ADAM22: variants seen among roughly 807,000 people sequenced by gnomAD.
ADAM22 encodes ADAM metallopeptidase domain 22.
Under a neutral mutation model 144.6 loss-of-function variants are expected in ADAM22, and 65 were observed. That is an observed-to-expected ratio of 0.45 (90% CI 0.37 to 0.55). ADAM22 has a LOEUF of 0.55. ADAM22 is among the 20% of genes least tolerant of loss of function. The pLI is 0.00. For missense variants in ADAM22, 974 were observed against 1,184.9 expected, an observed-to-expected ratio of 0.82 and a Z score of 2.61; for synonymous variants, 391 against 412.6, an observed-to-expected ratio of 0.95 and a Z score of 0.63.
At chr7:87,947,246 T>C (rs142930125) in intron 2 of ADAM22, among the ~76,000 whole-genome samples, 103 of 151,450 alleles carry the variant, frequency 6.8e-4, no homozygotes, top group African/African-American at 2.4e-3. Context: ...AAAGCTTTGA[T>C]TCAGGGCTAC....
At chr7:87,935,283 T>C in intron 2 of ADAM22, 97 bp downstream of exon 2, 1 of 1,351,244 alleles carries the variant, frequency 7.4e-7, no homozygotes, top group Non-Finnish European at 9.8e-7. Context: ...CATGTCTTCT[T>C]GGGTGAAATG....
intron 14 of ADAM22, 91 bp from the exon 15 acceptor site, chr7:88,142,935 G>T: frequency 1.4e-6 from 1 of 734,212 alleles, no homozygotes; most frequent in Non-Finnish European, 2.4e-6. Flanking sequence ...ATTTTAAAGA[G>T]TAATATACAA....
chr7:88,066,095 G>A (rs532315130), intron 3 of ADAM22, among the ~76,000 whole-genome samples: 40 of 152,180 alleles, frequency 2.6e-4, no homozygotes, highest in Non-Finnish European at 5.0e-4. Flanking sequence ...ATTAACAGTG[G>A]ATAATAATGT....
chr7:87,981,629 T>C (rs1219790807), intron 3 of ADAM22, among the ~76,000 whole-genome samples: 1 of 152,144 alleles, frequency 6.6e-6, no homozygotes, highest in Non-Finnish European at 1.5e-5. Context: ...CATTCAGTCT[T>C]GCCTTCTCTC....
At chr7:88,193,312 G>T in intron 31 of ADAM22, 73 bp downstream of exon 31, 1 of 1,486,548 alleles carries the variant, frequency 6.7e-7, no homozygotes, top group South Asian at 1.4e-5. Context: ...TATTTTAAAA[G>T]AGAGAACCAT....
intron 30 of ADAM22, among the ~76,000 whole-genome samples, chr7:88,189,350 A>G (rs1365335388): frequency 6.6e-6 from 1 of 152,182 alleles, no homozygotes; most frequent in Non-Finnish European, 1.5e-5. Context: ...CACTTCCATG[A>G]TTCTATGGAA....
At chr7:88,147,992 A>C (rs1837053486) in intron 17 of ADAM22, among the ~76,000 whole-genome samples, 1 of 152,180 alleles carries the variant, frequency 6.6e-6, no homozygotes, top group African/African-American at 2.4e-5. Context: ...ACGTTATTAA[A>C]TATTTGATGA....
intron 3 of ADAM22, among the ~76,000 whole-genome samples, chr7:87,998,951 T>C (rs1791889669): frequency 1.3e-5 from 2 of 152,236 alleles, no homozygotes; most frequent in Non-Finnish European, 2.9e-5. Flanking sequence ...CATTGTGTAA[T>C]ATATGATGTG....
chr7:88,050,484 CAAA>C (rs111631002), intron 3 of ADAM22, among the ~76,000 whole-genome samples: 1 of 117,298 alleles, frequency 8.5e-6, no homozygotes. Flanking sequence ...CAGGATAACT[CAAA>C]AAAAAAAAAA....
chr7:87,993,490 C>T (rs920404164), intron 3 of ADAM22, among the ~76,000 whole-genome samples: 5 of 152,162 alleles, frequency 3.3e-5, no homozygotes, highest in African/African-American at 1.2e-4. Flanking sequence ...CCTGGGCACA[C>T]TGTGAAATTC....
At chr7:87,986,654 C>T (rs1248499449) in intron 3 of ADAM22, among the ~76,000 whole-genome samples, 1 of 152,162 alleles carries the variant, frequency 6.6e-6, no homozygotes, top group Non-Finnish European at 1.5e-5. Flanking sequence ...CATCAGGCTC[C>T]TGTAACACCT....
intron 2 of ADAM22, among the ~76,000 whole-genome samples, chr7:87,963,713 A>C (rs532281591): frequency 1.3e-5 from 2 of 152,338 alleles, no homozygotes; most frequent in South Asian, 4.1e-4. Context: ...AAGGCTGAGC[A>C]GCTAATCAGA....
chr7:88,030,714 A>G (rs1202074551), intron 3 of ADAM22, among the ~76,000 whole-genome samples: 3 of 152,154 alleles, frequency 2.0e-5, no homozygotes, highest in African/African-American at 7.2e-5. Context: ...CATGCCAGCC[A>G]AGTGAAAATG....
At chr7:88,030,450 A>C (rs1302662943) in intron 3 of ADAM22, among the ~76,000 whole-genome samples, 2 of 152,018 alleles carry the variant, frequency 1.3e-5, no homozygotes, top group Non-Finnish European at 2.9e-5. Flanking sequence ...AAAGTCACAT[A>C]TCTCTCTCTG....
chr7:87,957,297 A>G (rs1324785884), intron 2 of ADAM22, among the ~76,000 whole-genome samples: 1 of 152,176 alleles, frequency 6.6e-6, no homozygotes, highest in African/African-American at 2.4e-5. Flanking sequence ...AGTGAAATTG[A>G]CCATGTGAGG....
intron 14 of ADAM22, among the ~76,000 whole-genome samples, chr7:88,141,179 G>A (rs781603786): frequency 1.3e-5 from 2 of 152,200 alleles, no homozygotes; most frequent in African/African-American, 2.4e-5. Flanking sequence ...CTGACTAGGT[G>A]ACCACATTCC....
At chr7:88,034,713 A>G (rs1000989897) in intron 3 of ADAM22, among the ~76,000 whole-genome samples, 3 of 152,134 alleles carry the variant, frequency 2.0e-5, no homozygotes, top group African/African-American at 7.2e-5. Context: ...AGTTCTGACC[A>G]CTAGGATGGT....
chr7:87,952,803 A>AT (rs1216800721), intron 2 of ADAM22, among the ~76,000 whole-genome samples: 2 of 152,220 alleles, frequency 1.3e-5, no homozygotes, highest in Non-Finnish European at 2.9e-5. Flanking sequence ...GCTATTGATT[A>AT]TTGCCACAAT....
intron 4 of ADAM22, among the ~76,000 whole-genome samples, chr7:88,083,587 TTGTG>T (rs35145003): frequency 0.45 from 56,391 of 126,594 alleles, 10,918 homozygotes; most frequent in Non-Finnish European, 0.49. Context: ...TACTTTGTGT[TTGTG>T]TGTGTGTGTG....
Sources: allele counts gnomAD v4.1 joint callset (sites outside exome capture counted in the v4.1 genomes callset), GRCh38; gene constraint gnomAD v4.1.1; transcripts MANE v1.5; gene names NCBI Gene and HGNC (gene_info 2026-07-23, HGNC 2026-07-21).